TRHDE: variants seen among roughly 807,000 people sequenced by gnomAD.
The protein encoded by TRHDE is thyrotropin releasing hormone degrading enzyme.
A neutral mutation model predicts 125.7 loss-of-function variants in TRHDE; 72 were observed. The observed-to-expected ratio is 0.57, with a 90% CI of 0.47 to 0.70. The LOEUF (loss-of-function observed/expected upper bound fraction) is 0.70. Among genes scored for constraint, TRHDE ranks in the 30% least tolerant of loss-of-function variants. The pLI, the probability that TRHDE is intolerant of heterozygous loss-of-function variation, is 0.00. For missense variants in TRHDE, 1,110 were observed against 1,327.1 expected, an observed-to-expected ratio of 0.84 and a Z score of 2.54; for synonymous variants, 509 against 509.1, an observed-to-expected ratio of 1.00 and a Z score of 0.00.
chr12:72,525,634 TGAGAGAGA>T lies in TRHDE; in HGVS notation c.1723-16642_1723-16635del, dbSNP rs1204575457. 4.0e-5 allele frequency among the ~76,000 whole-genome samples: 4 copies of T among 98,842 alleles called. 1 individual carries two copies. The South Asian group carries it at 1.5e-3, about 38-fold the overall frequency. 64.8% of individuals were successfully genotyped at this position (98,842 alleles called of 152,430 possible). A position where few individuals can be genotyped will look rare whatever the true frequency, so the allele number is the denominator to read the frequency against. On this transcript the variant is annotated intron_variant, in intron 6 of 18. Transcript: ENST00000261180. The stretch of plus-strand genomic sequence containing the variant: ...GTGTGTGTGTGTGTGTGTGTGTGTG[TGAGAGAGA>T]GAGAGAGAGAGAGAAAGTTGGTGAT...
At chr12:72,307,767 A>G (rs967635807) in intron 2 of TRHDE, among the ~76,000 whole-genome samples, 10 of 152,198 alleles carry the variant, frequency 6.6e-5, no homozygotes, top group Admixed American at 6.5e-4. Flanking sequence ...TTGTTGTCAG[A>G]AAGAACAGCT....
chr12:72,621,031 T>G, intron 13 of TRHDE, 77 bp from the exon 14 acceptor site: 1 of 683,612 alleles, frequency 1.5e-6, no homozygotes, highest in East Asian at 2.8e-5. Flanking sequence ...TATTTTAATT[T>G]TATTACAGAA....
chr12:72,215,933 G>T (rs1283136178), intron 2 of TRHDE, among the ~76,000 whole-genome samples: 2 of 152,098 alleles, frequency 1.3e-5, no homozygotes, highest in African/African-American at 4.8e-5. Context: ...AAATTTGGAT[G>T]GGCTATAGAT....
At chr12:72,172,165 G>A (rs926193081) in intron 2 of TRHDE, among the ~76,000 whole-genome samples, 14 of 152,108 alleles carry the variant, frequency 9.2e-5, no homozygotes, top group Admixed American at 5.2e-4. Context: ...AAAGCTACAT[G>A]GCCAATGTCT....
chr12:72,210,251 C>T (rs115802696), intron 2 of TRHDE, among the ~76,000 whole-genome samples: 2 of 151,644 alleles, frequency 1.3e-5, no homozygotes, highest in Admixed American at 6.6e-5. Flanking sequence ...GTGTGTGTAC[C>T]TTTAGCATAT....
chr12:72,216,549 T>A (rs1182324767), intron 2 of TRHDE, among the ~76,000 whole-genome samples: 1 of 152,122 alleles, frequency 6.6e-6, no homozygotes, highest in Non-Finnish European at 1.5e-5. Flanking sequence ...TCAGATCAAT[T>A]GAACCTACAA....
intron 2 of TRHDE, among the ~76,000 whole-genome samples, chr12:72,336,711 G>A (rs1394500844): frequency 2.0e-5 from 3 of 152,182 alleles, no homozygotes; most frequent in African/African-American, 7.2e-5. Context: ...GCAGAAAGTG[G>A]AAGGCCAGGA....
At chr12:72,607,030 T>A (rs917282718) in intron 12 of TRHDE, among the ~76,000 whole-genome samples, 1 of 152,162 alleles carries the variant, frequency 6.6e-6, no homozygotes, top group Non-Finnish European at 1.5e-5. Flanking sequence ...TTGCTTAAAT[T>A]AGGATCTAAA....
chr12:72,500,721 G>T (rs992984716), intron 6 of TRHDE, among the ~76,000 whole-genome samples: 2 of 151,980 alleles, frequency 1.3e-5, no homozygotes, highest in Non-Finnish European at 2.9e-5. Context: ...CTCTGTGAGG[G>T]ATAAAAAGAT....
chr12:72,262,766 A>G (rs1002134349), intron 2 of TRHDE: 14 of 152,154 alleles, frequency 9.2e-5, no homozygotes, highest in Middle Eastern at 3.2e-3. Context: ...TTTTCTGTCT[A>G]TAAGATGAAA....
intron 7 of TRHDE, among the ~76,000 whole-genome samples, chr12:72,554,305 T>C (rs1278060376): frequency 6.6e-6 from 1 of 152,204 alleles, no homozygotes; most frequent in African/African-American, 2.4e-5. Context: ...GGTATTTTTC[T>C]AAGTCGTTTA....
At chr12:72,278,851 T>C (rs550562714) in intron 1 of TRHDE, among the ~76,000 whole-genome samples, 1 of 152,368 alleles carries the variant, frequency 6.6e-6, no homozygotes, top group Non-Finnish European at 1.5e-5. Context: ...TAATCACTTA[T>C]CAGATGTACA....
At chr12:72,207,547 A>C (rs1877694291) in intron 2 of TRHDE, among the ~76,000 whole-genome samples, 2 of 152,220 alleles carry the variant, frequency 1.3e-5, no homozygotes, top group Admixed American at 6.5e-5. Context: ...TTATGCAATA[A>C]TTACAAAAAT....
upstream of TRHDE, among the ~76,000 whole-genome samples, chr12:72,268,557 C>T (rs1002882043): frequency 2.1e-4 from 32 of 151,990 alleles, no homozygotes; most frequent in African/African-American, 7.7e-4. Flanking sequence ...CTAGTTCTTT[C>T]CCCCGAGCCA....
chr12:72,199,545 A>G (rs1383664282), intron 2 of TRHDE, among the ~76,000 whole-genome samples: 1 of 152,200 alleles, frequency 6.6e-6, no homozygotes, highest in Non-Finnish European at 1.5e-5. Flanking sequence ...AATATGATAT[A>G]GATTGGAGCT....
intron 2 of TRHDE, among the ~76,000 whole-genome samples, chr12:72,221,016 A>C (rs1052970838): frequency 6.6e-6 from 1 of 152,136 alleles, no homozygotes; most frequent in African/African-American, 2.4e-5. Context: ...GAAATGAGGT[A>C]TAAATATTAG....
chr12:72,450,611 T>C (rs1875523687), intron 3 of TRHDE, among the ~76,000 whole-genome samples: 1 of 152,136 alleles, frequency 6.6e-6, no homozygotes, highest in African/African-American at 2.4e-5. Context: ...CTTGAACTTA[T>C]TCCTCCTATC....
chr12:72,377,534 A>G (rs1268607856), intron 2 of TRHDE, among the ~76,000 whole-genome samples: 1 of 152,206 alleles, frequency 6.6e-6, no homozygotes, highest in African/African-American at 2.4e-5. Context: ...AAAAGGAAGC[A>G]TAAATTATAG....
At chr12:72,639,747 T>C (rs557476270) in intron 15 of TRHDE, among the ~76,000 whole-genome samples, 80 of 152,138 alleles carry the variant, frequency 5.3e-4, no homozygotes, top group African/African-American at 1.9e-3. Context: ...GCAGGTCTGT[T>C]GGAGTACCCG....
Sources: gnomAD v4.1 joint callset for allele counts (sites outside exome capture counted in the v4.1 genomes callset) on GRCh38, gnomAD v4.1.1 for gene constraint, MANE v1.5 for transcripts, NCBI Gene and HGNC (gene_info 2026-07-23, HGNC 2026-07-21) for gene names.